The following ICAM2 variants were observed in gnomAD, a reference collection of about 807,000 sequenced individuals.
ICAM2 encodes ICAM-2.
In ICAM2, 14 loss-of-function variants were observed where a neutral mutation model predicts 19.1. That is an observed-to-expected ratio of 0.73 (90% confidence interval 0.48 to 1.15). ICAM2 has a LOEUF of 1.15. Ranked by LOEUF, ICAM2 falls within the 50% of genes most tolerant of loss-of-function variation. The probability of loss-of-function intolerance (pLI) is 0.00; values close to 1 mark genes in which losing one functional copy is unlikely to be tolerated. For missense variants in ICAM2, 311 were observed against 355.4 expected (o/e 0.88, Z 1.00); for synonymous variants, 153 against 152.7 (o/e 1.00, Z -0.01).
chr17:64,012,552 A>G (rs1434401816), intron 1 of ICAM2, among the ~76,000 whole-genome samples: 1 of 152,152 alleles, frequency 6.6e-6, no homozygotes, highest in Admixed American at 6.6e-5. Flanking sequence ...GTGAGCTGAG[A>G]TTGTGCCACT....
At position 64,011,175 on chromosome 17, in the gene ICAM2, C is replaced by A. The variant is rs551866981; in HGVS notation, c.-44-4440G>T. On this transcript the variant is annotated intron_variant, in intron 1 of 4. Transcript: ENST00000579788. Reference sequence around the variant, plus strand: ...CAGACATTTCTCAAAAGAAGACATACAAATGGGCCAGGCGTGGTGGCTTAC... The same window carrying A: ...CAGACATTTCTCAAAAGAAGACATAAAAATGGGCCAGGCGTGGTGGCTTAC... 1.6e-4 allele frequency among the ~76,000 whole-genome samples: 24 copies of A among 152,250 alleles called. No homozygotes were observed. In the East Asian group the frequency reaches 4.4e-3, roughly 28 times the overall value.
intron 3 of ICAM2, 149 bp from the exon 4 acceptor site, chr17:64,004,113 A>G (rs10853045): frequency 0.98 from 600,815 of 614,280 alleles, 295,003 homozygotes; most frequent in East Asian, 1. Flanking sequence ...GGAAGAGGGC[A>G]GCAGTTGAGG....
intron 1 of ICAM2, among the ~76,000 whole-genome samples, chr17:64,011,893 G>C (rs1259654752): frequency 6.6e-6 from 1 of 152,152 alleles, no homozygotes; most frequent in Non-Finnish European, 1.5e-5. Flanking sequence ...AACTACAGAG[G>C]ATCTAGCAAT....
intron 2 of ICAM2, among the ~76,000 whole-genome samples, chr17:64,005,760 GCC>G (rs1305930330): frequency 1.3e-5 from 2 of 152,146 alleles, no homozygotes; most frequent in African/African-American, 4.8e-5. Flanking sequence ...CCCACAGAGG[GCC>G]CTCTGTAGCC....
At position 64,014,678 on chromosome 17, in the gene ICAM2, AAAGGAAGG is replaced by A. The variant is rs1169331312; in HGVS notation, c.-45+5837_-45+5844del. Among the ~76,000 whole-genome samples the A allele has an allele frequency of 6.3e-3, 814 of 130,140 alleles. 6 individuals are homozygous for A. The highest frequency in any genetic ancestry group is 0.022 in the African/African-American group (747 of 33,290). 85.4% of individuals were successfully genotyped at this position (130,140 alleles called of 152,430 possible). The stretch of plus-strand genomic sequence containing the variant: ...GAAAGGAAGAAAGAGAGAAAGAAAG[AAAGGAAGG>A]AAGGAAGGAAGGAAGGAAGGAAGGA... On this transcript the variant is annotated intron_variant, in intron 1 of 4. Coordinates refer to ENST00000579788, the MANE Select transcript of ICAM2 (RefSeq NM_001099789.2).
At chr17:64,008,943 G>A (rs900609208) in intron 1 of ICAM2, among the ~76,000 whole-genome samples, 4 of 152,192 alleles carry the variant, frequency 2.6e-5, no homozygotes, top group African/African-American at 9.7e-5. Flanking sequence ...ACAGGCCCCA[G>A]TTCCTACCCC....
At chr17:64,004,057 T>A in intron 3 of ICAM2, 93 bp from the exon 4 acceptor site, 1 of 995,084 alleles carries the variant, frequency 1.0e-6, no homozygotes, top group Non-Finnish European at 1.5e-6. Flanking sequence ...CACCATGGTG[T>A]TCCACGGTTG....
At chr17:64,017,244 A>G (rs1188994648) in intron 1 of ICAM2, among the ~76,000 whole-genome samples, 1 of 152,220 alleles carries the variant, frequency 6.6e-6, no homozygotes, top group Non-Finnish European at 1.5e-5. Context: ...ACTCAAAGTA[A>G]TAAGAGATTT....
At chr17:64,013,712 G>C (rs1408870007) in intron 1 of ICAM2, among the ~76,000 whole-genome samples, 1 of 152,118 alleles carries the variant, frequency 6.6e-6, no homozygotes, top group Admixed American at 6.5e-5. Context: ...TAGGGATAGA[G>C]TGAGTACCTA....
In ICAM2 at chr17:64,002,629, C is replaced by CT. The variant is rs1910854108; in HGVS notation, c.*117_*118insA. On this transcript the variant is annotated 3_prime_UTR_variant, in exon 5 of 5. Transcript: ENST00000579788. ...GTGTTTGTATTCGGGCTAGAAAAGG[C>CT]AATGTCCCAAGTCTCTGCTGCCTGT... The CT allele has an allele frequency of 1.1e-6, 1 of 884,846 alleles. No homozygotes were observed. 54.8% of individuals were successfully genotyped at this position (884,846 alleles called of 1,614,324 possible). A position where few individuals can be genotyped will look rare whatever the true frequency, so the allele number is the denominator to read the frequency against.
chr17:64,019,801 A>G (rs534235102), intron 1 of ICAM2, among the ~76,000 whole-genome samples: 3 of 140,710 alleles, frequency 2.1e-5, no homozygotes, highest in African/African-American at 7.9e-5. Flanking sequence ...GGGCGACAAG[A>G]ATGAAAACTC....
At chr17:64,014,106 A>G (rs1911557685) in intron 1 of ICAM2, among the ~76,000 whole-genome samples, 1 of 152,036 alleles carries the variant, frequency 6.6e-6, no homozygotes, top group African/African-American at 2.4e-5. Flanking sequence ...TAATGAAAAT[A>G]TCATGTTAAA....
At chr17:64,013,838 T>C (rs1911547597) in intron 1 of ICAM2, among the ~76,000 whole-genome samples, 1 of 151,986 alleles carries the variant, frequency 6.6e-6, no homozygotes, top group African/African-American at 2.4e-5. Flanking sequence ...TACTCCCATA[T>C]AGAACTATAA....
chr17:64,018,004 C>G (rs1455928176), intron 1 of ICAM2, among the ~76,000 whole-genome samples: 1 of 152,060 alleles, frequency 6.6e-6, no homozygotes, highest in African/African-American at 2.4e-5. Flanking sequence ...GGCAAGACCT[C>G]GAAATTGTCA....
chr17:64,016,215 A>G (rs1911711756), intron 1 of ICAM2, among the ~76,000 whole-genome samples: 1 of 152,240 alleles, frequency 6.6e-6, no homozygotes, highest in African/African-American at 2.4e-5. Context: ...AAAAGGCATC[A>G]CATTCTAGTT....
Position 64,002,916 on chromosome 17 carries a change from GACA to G in ICAM2, c.656_658del (p.Val219_Ser220delinsAla), listed in dbSNP as rs762174737. 4.3e-6 allele frequency: 7 copies of G among 1,613,212 alleles called. No homozygotes were observed. The highest frequency in any genetic ancestry group is 5.9e-6 in the Non-Finnish European group (7 of 1,179,668). ...GACTATGATGACCATCTGGCTGTCC[GACA>G]CAGGCTCTGGGGAGGGAGGGGGCAA... On this transcript the variant is annotated inframe_deletion, in exon 5 of 5. Transcript: ENST00000579788.
At chr17:64,006,478 T>G in intron 2 of ICAM2, 153 bp downstream of exon 2, 1 of 649,650 alleles carries the variant, frequency 1.5e-6, no homozygotes, top group Non-Finnish European at 2.7e-6. Context: ...GCCTGGGTGA[T>G]AGACCGAGAC....
chr17:64,003,396 G>T, intron 4 of ICAM2: 1 of 540,902 alleles, frequency 1.8e-6, no homozygotes, highest in Non-Finnish European at 3.3e-6. Context: ...GCCAGGGAGA[G>T]CCGTCAAGGT....
At chr17:64,002,999 C>A in intron 4 of ICAM2, 74 bp from the exon 5 acceptor site, 1 of 1,433,386 alleles carries the variant, frequency 7.0e-7, no homozygotes, top group Non-Finnish European at 9.6e-7. Flanking sequence ...GAGTGGAAGT[C>A]CACCCCCAAC....
Sources: allele counts gnomAD v4.1 joint callset (sites outside exome capture counted in the v4.1 genomes callset), GRCh38; gene constraint gnomAD v4.1.1; transcripts MANE v1.5; gene names NCBI Gene and HGNC (gene_info 2026-07-23, HGNC 2026-07-21).